PODXL: variants seen among roughly 807,000 people sequenced by gnomAD.
PODXL encodes the protein podocalyxin like.
A neutral mutation model predicts 48.9 loss-of-function variants in PODXL; 20 were observed. The ratio of observed to expected loss-of-function variants is 0.41; its 90% CI spans 0.29 to 0.59. The LOEUF (loss-of-function observed/expected upper bound fraction) is 0.59, where lower values mean the gene tolerates loss of function less well. Ranked by LOEUF, PODXL falls within the 20% of genes least tolerant of loss-of-function variation. The pLI is 0.31. For synonymous variants in PODXL, 295 were observed against 287.4 expected, an observed-to-expected ratio of 1.03 and a Z score of -0.27; for missense variants, 606 against 675.1, an observed-to-expected ratio of 0.90 and a Z score of 1.13.
At chr7:131,536,724 C>G (rs1283434760) in intron 1 of PODXL, among the ~76,000 whole-genome samples, 2 of 152,192 alleles carry the variant, frequency 1.3e-5, no homozygotes, top group Non-Finnish European at 2.9e-5. Flanking sequence ...AGTGCCGCTG[C>G]CCCATGCTCA....
intron 1 of PODXL, among the ~76,000 whole-genome samples, chr7:131,549,790 G>A (rs1050090361): frequency 3.9e-5 from 6 of 152,166 alleles, no homozygotes; most frequent in South Asian, 2.1e-4. Context: ...ATTGGTGGAC[G>A]AGGTGCCACC....
chr7:131,525,453 T>C (rs1304667049), intron 1 of PODXL, among the ~76,000 whole-genome samples: 2 of 52,076 alleles, frequency 3.8e-5, no homozygotes, highest in African/African-American at 1.5e-4. Context: ...AAAAAAAAAA[T>C]ACAAAAATTA....
intron 1 of PODXL, among the ~76,000 whole-genome samples, chr7:131,516,496 G>A (rs756074998): frequency 6.6e-6 from 1 of 152,080 alleles, no homozygotes; most frequent in Non-Finnish European, 1.5e-5. Context: ...CAACCTGGGA[G>A]ACAGAGAGAT....
At chr7:131,546,244 T>A (rs1023563435) in intron 1 of PODXL, among the ~76,000 whole-genome samples, 7 of 151,938 alleles carry the variant, frequency 4.6e-5, no homozygotes, top group Non-Finnish European at 1.0e-4. Context: ...GAAAGGAAAG[T>A]GAAAGGGAGA....
At chr7:131,535,178 G>A (rs534646425) in intron 1 of PODXL, among the ~76,000 whole-genome samples, 37 of 152,352 alleles carry the variant, frequency 2.4e-4, no homozygotes, top group Non-Finnish European at 4.3e-4. Context: ...AGGCAGTCTG[G>A]AGGGAAGGGA....
rs1222175582 is a variant in PODXL, at chr7:131,524,347, A to AACAC, written c.101-12918_101-12915dup. On this transcript the variant is annotated intron_variant, in intron 1 of 8. Transcript: ENST00000378555. Reference sequence around the variant, plus strand: ...GTGAGTCCTACTGAGTTCAATAGGAAACACACACACACACGCACACACACA... The same window carrying AACAC: ...GTGAGTCCTACTGAGTTCAATAGGAAACACACACACACACACACGCACACACACA... 1.9e-3 allele frequency among the ~76,000 whole-genome samples: 113 copies of AACAC among 59,216 alleles called. 1 individual carries two copies. The highest frequency in any genetic ancestry group is 4.4e-3 in the African/African-American group (104 of 23,400). The allele number at this position is 59,216 out of a possible 152,430, so 38.8% of individuals were successfully genotyped here. A position where few individuals can be genotyped will look rare whatever the true frequency, so the allele number is the denominator to read the frequency against.
intron 1 of PODXL, among the ~76,000 whole-genome samples, chr7:131,543,488 A>G (rs766803750): frequency 2.2e-4 from 33 of 152,140 alleles, no homozygotes; most frequent in Non-Finnish European, 4.1e-4. Flanking sequence ...TCCCAGAGTC[A>G]TAATGTTACA....
chr7:131,524,437 A>C (rs1211095228), intron 1 of PODXL, among the ~76,000 whole-genome samples: 1 of 150,878 alleles, frequency 6.6e-6, no homozygotes, highest in Non-Finnish European at 1.5e-5. Flanking sequence ...AACAATAAAA[A>C]CCCAATTTTT....
intron 1 of PODXL, among the ~76,000 whole-genome samples, chr7:131,528,309 C>T (rs902351189): frequency 6.6e-6 from 1 of 152,018 alleles, no homozygotes; most frequent in Non-Finnish European, 1.5e-5. Flanking sequence ...TCAATGAAGT[C>T]TAGATGAAAT....
At position 131,509,490 on chromosome 7, in the gene PODXL, T is replaced by C. The variant is rs756152670; in HGVS notation, c.898A>G (p.Ser300Gly). 6.2e-7 allele frequency: 1 copy of C among 1,613,828 alleles called. No individual in the cohort carries two copies. Among genetic ancestry groups the C allele is most frequent in the Non-Finnish European group, 8.5e-7 (1 of 1,179,830 alleles). ...GGTGTTCTCAATGCCGTTGCCGGGC[T>C]CGTGGGCTGCACTGTCTCCTGGGAG... Reference protein sequence around the residue: ...PSSQETVQPTSPATALRTPTL... With the variant: ...PSSQETVQPTGPATALRTPTL... Residue 300 changes from serine (S) to glycine (G), a missense_variant, in exon 4 of 9, where the codon AGC becomes GGC. Coordinates refer to ENST00000378555, the MANE Select transcript of PODXL (RefSeq NM_001018111.3).
chr7:131,506,120 G>T, intron 7 of PODXL, 85 bp from the exon 8 acceptor site: 1 of 1,548,126 alleles, frequency 6.5e-7, no homozygotes. Context: ...TCCGCTTGCA[G>T]TCTGCTAGGG....
intron 1 of PODXL, among the ~76,000 whole-genome samples, chr7:131,517,608 CA>C (rs1798021825): frequency 6.6e-6 from 1 of 152,178 alleles, no homozygotes; most frequent in African/African-American, 2.4e-5. Context: ...CCAAAATTGG[CA>C]GGGCCATGCT....
chr7:131,540,453 T>C (rs1282910305), intron 1 of PODXL, among the ~76,000 whole-genome samples: 1 of 151,930 alleles, frequency 6.6e-6, no homozygotes, highest in African/African-American at 2.4e-5. Flanking sequence ...ATGAGTGTTC[T>C]ACCCTGCCCC....
chr7:131,551,289 C>T (rs1047122395), intron 1 of PODXL, among the ~76,000 whole-genome samples: 6 of 152,204 alleles, frequency 3.9e-5, no homozygotes, highest in African/African-American at 7.2e-5. Flanking sequence ...TTCCTGGGTC[C>T]GGGACAGGAA....
Position 131,556,333 on chromosome 7 carries a change from C to G in PODXL, c.27G>C (p.Ala9=), listed in dbSNP as rs1331940288. The change falls in exon 1 of 9, where the codon GCG becomes GCC. Residue 9 remains alanine (A), a synonymous_variant. Transcript: ENST00000378555. The part of the protein sequence containing the change: MRCALALS[A]LLLLLSTPPL... ...GCGGCGTTGACAACAGTAGCAGCAG[C>G]GCCGAGAGCGCCAGCGCGCAGCGCA... 1.4e-6 allele frequency: 2 copies of G among 1,473,386 alleles called. No individual in the cohort carries two copies. The highest frequency in any genetic ancestry group is 1.4e-5 in the South Asian group (1 of 73,788). The allele number at this position is 1,473,386 out of a possible 1,614,324, so 91.3% of individuals were successfully genotyped here.
In PODXL at chr7:131,504,483, G is replaced by C. The variant is rs771634790; in HGVS notation, c.1505C>G (p.Thr502Arg). ...DQQRLTEELQ[T>R]VENGYHDNPT... ...GTTGTCATGGTAACCATTCTCCACT[G>C]TCTGCAGCTCCTCTGTTAGCCGCTG... Residue 502 changes from threonine (T) to arginine (R), a missense_variant, in exon 9 of 9, where the codon ACA becomes AGA. Physicochemically the swap from Thr to Arg is moderately conservative, Grantham distance 71. Transcript: ENST00000378555. 2.5e-6 allele frequency: 4 copies of C among 1,614,064 alleles called. No individual in the cohort carries two copies. The highest frequency in any genetic ancestry group is 1.3e-5 in the African/African-American group (1 of 74,948).
At chr7:131,540,842 T>A (rs1798468358) in intron 1 of PODXL, among the ~76,000 whole-genome samples, 1 of 152,188 alleles carries the variant, frequency 6.6e-6, no homozygotes, top group Admixed American at 6.5e-5. Context: ...AAGTCCCGCA[T>A]GCATGGCTGT....
intron 1 of PODXL, among the ~76,000 whole-genome samples, chr7:131,525,426 C>CAAAAAAAAAA (rs57927217): frequency 5.1e-5 from 3 of 59,232 alleles, no homozygotes; most frequent in African/African-American, 7.5e-5. Context: ...TCATCTCTAC[C>CAAAAAAAAAA]AAAAAAAAAA....
intron 1 of PODXL, among the ~76,000 whole-genome samples, chr7:131,518,903 G>A (rs1562907520): frequency 6.6e-6 from 1 of 152,140 alleles, no homozygotes. Flanking sequence ...TTGCCCATCT[G>A]ATTACCCAGA....
Sources: gnomAD v4.1 joint callset for allele counts (sites outside exome capture counted in the v4.1 genomes callset) on GRCh38, gnomAD v4.1.1 for gene constraint, MANE v1.5 for transcripts, NCBI Gene and HGNC (gene_info 2026-07-23, HGNC 2026-07-21) for gene names.